The following NRBP2 variants were observed in gnomAD, a reference collection of about 807,000 sequenced individuals.
NRBP2 encodes the protein nuclear receptor binding protein 2, also known as nuclear receptor-binding protein 2.
Under a neutral mutation model 74.4 loss-of-function variants are expected in NRBP2, and 47 were observed. The ratio of observed to expected loss-of-function variants is 0.63; its 90% CI spans 0.50 to 0.81. The LOEUF is 0.81. Ranked by LOEUF, NRBP2 falls within the 30% of genes least tolerant of loss-of-function variation. The pLI, the probability that NRBP2 is intolerant of heterozygous loss-of-function variation, is 0.00. For missense variants in NRBP2, 613 were observed against 690.1 expected (o/e 0.89, Z 1.25); for synonymous variants, 312 against 273.8 (o/e 1.14, Z -1.38).
At position 143,837,942 on chromosome 8, in the gene NRBP2, G is replaced by C. The variant is rs1391170804; in HGVS notation, c.841-187C>G. The C allele has an allele frequency of 1.3e-6, 1 of 749,914 alleles. No homozygotes were observed. 46.5% of individuals were successfully genotyped at this position (749,914 alleles called of 1,614,324 possible). On this transcript the variant is annotated intron_variant, in intron 10 of 17. Transcript: ENST00000442628. This position sits in a 1 kb window ranked among gnomAD's most constrained non-coding sequence, Gnocchi z 4.3. ...CAGGACCTGGTCCTCTGAGCTTGAG[G>C]ACAGCTGGGTTCTGGGATTGGAGCA...
downstream of NRBP2, among the ~76,000 whole-genome samples, chr8:143,832,493 C>T (rs1292122623): frequency 1.2e-4 from 18 of 152,290 alleles, no homozygotes; most frequent in Admixed American, 5.2e-4. Flanking sequence ...GTCTCCTGCC[C>T]GTCCCTGGGC....
downstream of NRBP2, among the ~76,000 whole-genome samples, chr8:143,832,445 G>A (rs1818198201): frequency 6.6e-6 from 1 of 152,100 alleles, no homozygotes; most frequent in South Asian, 2.1e-4. Context: ...AAAAGAGGAA[G>A]GAATGCCTCT....
downstream of NRBP2, among the ~76,000 whole-genome samples, chr8:143,832,388 T>G (rs1173511710): frequency 6.6e-6 from 1 of 151,662 alleles, no homozygotes; most frequent in Non-Finnish European, 1.5e-5. Context: ...GACCTGACCG[T>G]CCCCCAGCCC....
intron 15 of NRBP2, 21 bp from the exon 16 acceptor site, chr8:143,836,051 G>A (rs145622410): frequency 0.018 from 28,235 of 1,563,294 alleles, 365 homozygotes; most frequent in Non-Finnish European, 0.021. Context: ...GGCGGGGCGT[G>A]GTCGGCTGGG....
downstream of NRBP2, among the ~76,000 whole-genome samples, chr8:143,832,384 A>T (rs1441176707): frequency 2.0e-5 from 3 of 151,980 alleles, no homozygotes; most frequent in Non-Finnish European, 4.4e-5. Flanking sequence ...GAAAGACCTG[A>T]CCGTCCCCCA....
chr8:143,831,173 A>G (rs1273451899), downstream of NRBP2, among the ~76,000 whole-genome samples: 2 of 152,210 alleles, frequency 1.3e-5, no homozygotes, highest in African/African-American at 4.8e-5. Flanking sequence ...TCTTACACAC[A>G]TTCATTCATG....
downstream of NRBP2, chr8:143,833,528 T>C (rs1377680893): frequency 2.0e-5 from 3 of 152,122 alleles, no homozygotes; most frequent in Non-Finnish European, 2.9e-5. Flanking sequence ...AGCATGCTCA[T>C]GGTTTTGAAA....
At position 143,835,862 on chromosome 8, in the gene NRBP2, C is replaced by T; in HGVS notation, c.1395G>A (p.Gln465=). The T allele has an allele frequency of 1.9e-6, 3 of 1,600,970 alleles. No individual in the cohort carries two copies. Among genetic ancestry groups the T allele is most frequent in the Non-Finnish European group, 2.5e-6 (3 of 1,177,024 alleles). ...AGTGCACGAGCTCCGAGGCGAGGTC[C>T]TGGGCGCTGTCCGCTGAGGCAATGG... ...TYDLLPTDSA[Q]DLASELVHYG... Residue 465 remains glutamine, a synonymous_variant, in exon 17 of 18, where the codon CAG becomes CAA. Transcript: ENST00000442628. This position sits in a 1 kb window ranked among gnomAD's most constrained non-coding sequence, Gnocchi z 4.9.
In NRBP2 at chr8:143,839,152, C is replaced by T; in HGVS notation, c.604+20G>A. The T allele has an allele frequency of 1.3e-6, 2 of 1,517,824 alleles. No homozygotes were observed. The highest frequency in any genetic ancestry group is 1.8e-6 in the Non-Finnish European group (2 of 1,135,664). The allele number at this position is 1,517,824 out of a possible 1,614,324, so 94.0% of individuals were successfully genotyped here. A position where few individuals can be genotyped will look rare whatever the true frequency, so the allele number is the denominator to read the frequency against. On this transcript the variant is annotated intron_variant, in intron 7 of 17. Coordinates refer to ENST00000442628, the MANE Select transcript of NRBP2 (RefSeq NM_178564.4). The surrounding 1 kb of genome is among the most constrained non-coding windows in gnomAD (Gnocchi z 5.1). ...GCGGGGACCTCTCCAGGACCCCGTCCCCCCAAAGTCCGCACTTACCATTGG... is the reference window on the plus strand; with the variant it reads ...GCGGGGACCTCTCCAGGACCCCGTCTCCCCAAAGTCCGCACTTACCATTGG...
Position 143,834,251 on chromosome 8 carries a change from G to A in NRBP2, c.*1411C>T, listed in dbSNP as rs1030901313. Reference sequence around the variant, plus strand: ...CTGCAGGGAACCAGAGAAATGGTTCGTGACACAGACTGAACCTGCTAGCTC... The same window carrying A: ...CTGCAGGGAACCAGAGAAATGGTTCATGACACAGACTGAACCTGCTAGCTC... On this transcript the variant is annotated 3_prime_UTR_variant, in exon 18 of 18. Transcript: ENST00000442628. The A allele has an allele frequency of 1.3e-5, 2 of 152,252 alleles. No homozygotes were observed. The highest frequency in any genetic ancestry group is 6.5e-5 in the Admixed American group (1 of 15,284). 9.4% of individuals were successfully genotyped at this position (152,252 alleles called of 1,614,324 possible). A position where few individuals can be genotyped will look rare whatever the true frequency, so the allele number is the denominator to read the frequency against.
chr8:143,838,116 C>T (rs1039069276), intron 10 of NRBP2: 20 of 484,176 alleles, frequency 4.1e-5, no homozygotes, highest in Non-Finnish European at 5.3e-5. Context: ...CCACTCTGTC[C>T]ACATCCGTGC....
intron 10 of NRBP2, chr8:143,838,171 A>C: frequency 2.4e-6 from 1 of 408,840 alleles, no homozygotes; most frequent in East Asian, 5.9e-5. Context: ...AGGCACCCCC[A>C]TCTCCTGAGG....
Position 143,838,777 on chromosome 8 carries a change from TGG to T in NRBP2, c.745-4_745-3del, listed in dbSNP as rs782761651. The stretch of plus-strand genomic sequence containing the variant: ...GGTCTGGATTTCCAGTACAGCCATC[TGG>T]GGCACAGAGCCAGGTCAGGCATGGG... On this transcript the variant is annotated splice_region_variant and splice_polypyrimidine_tract_variant and intron_variant, in intron 9 of 17. Coordinates refer to ENST00000442628, the MANE Select transcript of NRBP2 (RefSeq NM_178564.4). 77 of 1,612,552 alleles carry T rather than the reference TGG, an allele frequency of 4.8e-5. No individual in the cohort carries two copies. Among genetic ancestry groups the T allele is most frequent in the Non-Finnish European group, 6.4e-5 (75 of 1,179,314 alleles).
In NRBP2 at chr8:143,839,424, A is replaced by C. The variant is rs1818589713; in HGVS notation, c.486-16T>G. 1 of 1,545,654 alleles carries C rather than the reference A, an allele frequency of 6.5e-7. No individual in the cohort carries two copies. Among genetic ancestry groups the C allele is most frequent in the Non-Finnish European group, 8.7e-7 (1 of 1,153,950 alleles). On this transcript the variant is annotated splice_polypyrimidine_tract_variant and intron_variant, in intron 5 of 17. Transcript: ENST00000442628. The surrounding 1 kb of genome is among the most constrained non-coding windows in gnomAD (Gnocchi z 5.1). ...GTGCAGGAAGCTGCAGACGTTGGGG[A>C]GGGGAGAGTAGGAGGAGCCGGTCAG...
rs560222366 is a variant in NRBP2 at position 143,835,659 on chromosome 8, G to C, written c.*3C>G. On this transcript the variant is annotated 3_prime_UTR_variant, in exon 18 of 18. Transcript: ENST00000442628. This position sits in a 1 kb window ranked among gnomAD's most constrained non-coding sequence, Gnocchi z 4.9. Reference sequence around the variant, plus strand: ...CATGGTCCCCTGGGGCTGGGGCTCCGGGTCAGGCCTGGGTCCCACGGTACT... The same window carrying C: ...CATGGTCCCCTGGGGCTGGGGCTCCCGGTCAGGCCTGGGTCCCACGGTACT... 1.3e-6 allele frequency: 2 copies of C among 1,576,612 alleles called. No individual in the cohort carries two copies. The highest frequency in any genetic ancestry group is 1.4e-5 in the African/African-American group (1 of 73,252).
Position 143,840,901 on chromosome 8 carries a change from C to T in NRBP2, c.-67G>A, listed in dbSNP as rs1224801051. ...GCCGGCGCAGCCTCTCCCGGCCCGC[C>T]CTGGCCTCGCGCCCAGCAGCCCAGC... On this transcript the variant is annotated 5_prime_UTR_variant, in exon 1 of 18. Transcript: ENST00000442628. The surrounding 1 kb of genome is among the most constrained non-coding windows in gnomAD (Gnocchi z 5.7). 1.1e-5 allele frequency: 14 copies of T among 1,230,900 alleles called. No individual in the cohort carries two copies. The Admixed American group carries it at 4.9e-4, about 43-fold the overall frequency. 76.2% of individuals were successfully genotyped at this position (1,230,900 alleles called of 1,614,324 possible).
At position 143,836,021 on chromosome 8, in the gene NRBP2, G is replaced by T. The variant is rs782328885; in HGVS notation, c.1327C>A (p.Leu443Ile). Residue 443 changes from leucine to isoleucine, a missense_variant, in exon 16 of 18, where the codon CTT becomes ATT. By Grantham distance (5) the Leu-to-Ile change is conservative (BLOSUM62 2). This residue lies in a region of NRBP2 where 281 missense variants were observed against 260.9 expected (regional missense o/e 1.08). Transcript: ENST00000442628. The stretch of plus-strand genomic sequence containing the variant: ...TGCAGCCGGTCTTCCAGCACCAGAA[G>T]CAGAGTGAGCTGGGGAGGCGGCGGG... Reference protein sequence around the residue: ...EDKARWHLTLLLVLEDRLHRQ... With the variant: ...EDKARWHLTLILVLEDRLHRQ... 6 of 1,574,022 alleles carry T rather than the reference G, an allele frequency of 3.8e-6. No individual in the cohort carries two copies. Among genetic ancestry groups the T allele is most frequent in the Non-Finnish European group, 4.3e-6 (5 of 1,160,312 alleles).
Position 143,840,407 on chromosome 8 carries a change from A to G in NRBP2, c.130-178T>C. 1 of 843,744 alleles carries G rather than the reference A, an allele frequency of 1.2e-6. No homozygotes were observed. Among genetic ancestry groups the G allele is most frequent in the Non-Finnish European group, 1.8e-6 (1 of 560,098 alleles). The allele number at this position is 843,744 out of a possible 1,614,324, so 52.3% of individuals were successfully genotyped here. On this transcript the variant is annotated intron_variant, in intron 1 of 17. Transcript: ENST00000442628. This position sits in a 1 kb window ranked among gnomAD's most constrained non-coding sequence, Gnocchi z 5.7. ...CCCAGGAGCCAAGGGCTCCTATCCA[A>G]GGGCTGGGCTAAGGGGATTTGGAGC...
At position 143,835,757 on chromosome 8, in the gene NRBP2, C is replaced by G; in HGVS notation, c.1438-27G>C. On this transcript the variant is annotated intron_variant, in intron 17 of 17. Coordinates refer to ENST00000442628, the MANE Select transcript of NRBP2 (RefSeq NM_178564.4). This position sits in a 1 kb window ranked among gnomAD's most constrained non-coding sequence, Gnocchi z 4.9. ...TGCGGAAGGAGGGAGGCATGGGGGA[C>G]GGAGGGGCGCGGCCTGCCCCGTGCG... The G allele has an allele frequency of 6.3e-7, 1 of 1,594,402 alleles. No individual in the cohort carries two copies. Among genetic ancestry groups the G allele is most frequent in the Non-Finnish European group, 8.5e-7 (1 of 1,172,768 alleles).
Sources: gnomAD v4.1 joint callset for allele counts (sites outside exome capture counted in the v4.1 genomes callset) on GRCh38, gnomAD v4.1.1 for gene constraint, gnomAD v4.1.1 regional missense constraint, Gnocchi (gnomAD v3.1) non-coding constraint, MANE v1.5 for transcripts, NCBI Gene and HGNC (gene_info 2026-07-23, HGNC 2026-07-21) for gene names.